IQGAP1: variants seen among roughly 807,000 people sequenced by gnomAD.
IQGAP1 encodes IQ motif containing GTPase activating protein 1.
A neutral mutation model predicts 215.6 loss-of-function variants in IQGAP1; 66 were observed. The observed-to-expected ratio is 0.31, with a 90% confidence interval of 0.25 to 0.38. The LOEUF (loss-of-function observed/expected upper bound fraction) is 0.38, where lower values mean the gene tolerates loss of function less well. Ranked by LOEUF, IQGAP1 falls within the 10% of genes least tolerant of loss-of-function variation. The pLI, the probability that IQGAP1 is intolerant of heterozygous loss-of-function variation, is 1.00. For synonymous variants in IQGAP1, 772 were observed against 728.7 expected, an observed-to-expected ratio of 1.06 and a Z score of -0.96; for missense variants, 1,712 against 1,997.1, an observed-to-expected ratio of 0.86 and a Z score of 2.72.
chr15:90,466,582 C>G (rs62020738), intron 17 of IQGAP1, 146 bp downstream of exon 17: 84,770 of 758,026 alleles, frequency 0.11, 5,509 homozygotes, highest in African/African-American at 0.16. Context: ...GAGATAAAAT[C>G]CCTATTTTTG....
At chr15:90,458,180 A>G (rs1405794087) in intron 15 of IQGAP1, among the ~76,000 whole-genome samples, 1 of 152,234 alleles carries the variant, frequency 6.6e-6, no homozygotes, top group East Asian at 1.9e-4. Context: ...AGTTTATCCA[A>G]GCTGTAGCAG....
At position 90,429,262 on chromosome 15, in the gene IQGAP1, A is replaced by G. The variant is rs374078984; in HGVS notation, c.313-327A>G. Among the ~76,000 whole-genome samples the G allele has an allele frequency of 7.2e-5, 11 of 152,314 alleles. No individual in the cohort carries two copies. The East Asian group carries it at 1.9e-3, about 27-fold the overall frequency. ...TATACATACAAAGCAGCTGTTCTAG[A>G]TGGTAAAACTCTGTCCCTAAAGGAT... On this transcript the variant is annotated intron_variant, in intron 3 of 37. Coordinates refer to ENST00000268182, the MANE Select transcript of IQGAP1 (RefSeq NM_003870.4).
At chr15:90,443,333 A>G in intron 8 of IQGAP1, 61 bp from the exon 9 acceptor site, 2 of 1,000,346 alleles carry the variant, frequency 2.0e-6, no homozygotes, top group South Asian at 2.6e-5. Context: ...GCACACGTGT[A>G]TTTATGTGGT....
intron 33 of IQGAP1, among the ~76,000 whole-genome samples, chr15:90,487,851 C>T (rs1290824596): frequency 6.6e-6 from 1 of 152,148 alleles, no homozygotes; most frequent in African/African-American, 2.4e-5. Flanking sequence ...TATCCACAGG[C>T]GATTCTTTCC....
intron 35 of IQGAP1, 51 bp from the exon 36 acceptor site, chr15:90,494,662 A>T (rs1352329424): frequency 6.6e-7 from 1 of 1,520,466 alleles, no homozygotes; most frequent in Non-Finnish European, 8.9e-7. Context: ...AATGATGAAG[A>T]TTCAGAGTAG....
In IQGAP1 at chr15:90,473,462, A is replaced by G. The variant is rs1965933112; in HGVS notation, c.2350-253A>G. 1.1e-5 allele frequency: 5 copies of G among 469,918 alleles called. No homozygotes were observed. In the South Asian group the frequency reaches 1.2e-4, roughly 11 times the overall value. 29.1% of individuals were successfully genotyped at this position (469,918 alleles called of 1,614,324 possible). A position where few individuals can be genotyped will look rare whatever the true frequency, so the allele number is the denominator to read the frequency against. Reference sequence around the variant, plus strand: ...CCTGGTTTGTTGTAAGAAGCCAGTAAATGAATCTGTATGGCTGCACTGTAA... The same window carrying G: ...CCTGGTTTGTTGTAAGAAGCCAGTAGATGAATCTGTATGGCTGCACTGTAA... On this transcript the variant is annotated intron_variant, in intron 19 of 37. Coordinates refer to ENST00000268182, the MANE Select transcript of IQGAP1 (RefSeq NM_003870.4).
At chr15:90,415,934 C>T (rs1965040607) in intron 2 of IQGAP1, among the ~76,000 whole-genome samples, 1 of 152,152 alleles carries the variant, frequency 6.6e-6, no homozygotes, top group Non-Finnish European at 1.5e-5. Context: ...TTCTCTACCA[C>T]AGTGACTTAC....
At chr15:90,485,420 T>C (rs1436849115) in intron 30 of IQGAP1, among the ~76,000 whole-genome samples, 5 of 152,058 alleles carry the variant, frequency 3.3e-5, no homozygotes, top group Non-Finnish European at 7.4e-5. Flanking sequence ...CAGTGTTTTG[T>C]GGGTTTTTTG....
At chr15:90,390,699 T>G in intron 1 of IQGAP1, 75 bp from the exon 2 acceptor site, 1 of 1,003,832 alleles carries the variant, frequency 1.0e-6, no homozygotes, top group Non-Finnish European at 1.6e-6. Flanking sequence ...GGCAGGAAAT[T>G]GATTCTGTGG....
intron 33 of IQGAP1, among the ~76,000 whole-genome samples, chr15:90,489,370 C>A (rs1596293323): frequency 2.0e-5 from 3 of 152,132 alleles, no homozygotes; most frequent in African/African-American, 7.2e-5. Flanking sequence ...TCAAATGACC[C>A]ACCCACTGTG....
intron 15 of IQGAP1, among the ~76,000 whole-genome samples, chr15:90,457,460 T>C (rs1225020665): frequency 6.6e-6 from 1 of 151,910 alleles, no homozygotes; most frequent in African/African-American, 2.4e-5. Context: ...GGAGTCTTGC[T>C]CTGTCACCCA....
intron 4 of IQGAP1, among the ~76,000 whole-genome samples, chr15:90,431,879 A>G (rs1781042613): frequency 6.6e-6 from 1 of 152,030 alleles, no homozygotes; most frequent in South Asian, 2.1e-4. Context: ...TTTGGTTCTT[A>G]TCCTTTTTGA....
At chr15:90,462,729 C>T (rs1455259744) in intron 15 of IQGAP1, among the ~76,000 whole-genome samples, 1 of 152,066 alleles carries the variant, frequency 6.6e-6, no homozygotes, top group Non-Finnish European at 1.5e-5. Context: ...GTGGCTTCTT[C>T]ACCTCTTCTA....
chr15:90,470,347 T>C (rs1472564854), intron 18 of IQGAP1, among the ~76,000 whole-genome samples: 1 of 152,114 alleles, frequency 6.6e-6, no homozygotes, highest in African/African-American at 2.4e-5. Flanking sequence ...CCTTGTACTT[T>C]TTGTGCTCTT....
rs1196827173 is a variant in IQGAP1 at position 90,449,699 on chromosome 15, G to A, written c.1162+56G>A. On this transcript the variant is annotated intron_variant, in intron 11 of 37. Transcript: ENST00000268182. Reference sequence around the variant, plus strand: ...AAGTTGTGGCTTTGTGTTATTGAAGGGTCTGAGGTTAGCTTCTGTCATCGT... The same window carrying A: ...AAGTTGTGGCTTTGTGTTATTGAAGAGTCTGAGGTTAGCTTCTGTCATCGT... The A allele has an allele frequency of 3.9e-5, 55 of 1,409,858 alleles. No homozygotes were observed. In the Middle Eastern group the frequency reaches 7.0e-4, roughly 18 times the overall value. 87.3% of individuals were successfully genotyped at this position (1,409,858 alleles called of 1,614,324 possible).
intron 15 of IQGAP1, among the ~76,000 whole-genome samples, chr15:90,458,231 G>A (rs777563139): frequency 6.6e-6 from 1 of 152,194 alleles, no homozygotes; most frequent in South Asian, 2.1e-4. Flanking sequence ...ATATTCCATT[G>A]TATGACTGTA....
chr15:90,498,162 C>T (rs1966296926), intron 37 of IQGAP1, among the ~76,000 whole-genome samples: 1 of 151,798 alleles, frequency 6.6e-6, no homozygotes, highest in South Asian at 2.1e-4. Context: ...GTAGCCCTTG[C>T]AGACATCCTC....
Position 90,425,652 on chromosome 15 carries a change from T to C in IQGAP1, c.156-458T>C, listed in dbSNP as rs1965211264. Among the ~76,000 whole-genome samples, 10 of 152,338 alleles carry C rather than the reference T, an allele frequency of 6.6e-5. No homozygotes were observed. In the South Asian group the frequency reaches 2.1e-3, roughly 32 times the overall value. Reference sequence around the variant, plus strand: ...CTGTTTTGATAACCCCCAAGCAACCTTAAAACTTGGACCTAGAAATTCACT... The same window carrying C: ...CTGTTTTGATAACCCCCAAGCAACCCTAAAACTTGGACCTAGAAATTCACT... On this transcript the variant is annotated intron_variant, in intron 2 of 37. Transcript: ENST00000268182.
At chr15:90,434,509 A>G (rs544790545) in intron 5 of IQGAP1, among the ~76,000 whole-genome samples, 6 of 152,256 alleles carry the variant, frequency 3.9e-5, no homozygotes, top group African/African-American at 1.4e-4. Flanking sequence ...GTAAGAAATG[A>G]TACAAAATAT....
Sources: allele counts gnomAD v4.1 joint callset (sites outside exome capture counted in the v4.1 genomes callset), GRCh38; gene constraint gnomAD v4.1.1; transcripts MANE v1.5; gene names NCBI Gene and HGNC (gene_info 2026-07-23, HGNC 2026-07-21).